The following IGF1R variants were observed in gnomAD, a reference collection of about 807,000 sequenced individuals.
IGF1R encodes insulin like growth factor 1 receptor, also known as insulin-like growth factor 1 receptor.
IGF1R carries 44 observed loss-of-function variants against 144.6 expected under a neutral mutation model. The ratio of observed to expected loss-of-function variants is 0.30; its 90% CI spans 0.24 to 0.39. IGF1R has a LOEUF of 0.39. Ranked by LOEUF, IGF1R falls within the 10% of genes least tolerant of loss-of-function variation. The pLI is 1.00. For synonymous variants in IGF1R, 795 were observed against 722.8 expected (o/e 1.10, Z -1.60); for missense variants, 1,355 against 1,833.7 (o/e 0.74, Z 4.77).
intron 2 of IGF1R, among the ~76,000 whole-genome samples, chr15:98,807,523 C>A (rs2056496087): frequency 6.6e-6 from 1 of 152,170 alleles, no homozygotes; most frequent in African/African-American, 2.4e-5. Flanking sequence ...TGAATGCATT[C>A]TCTGAGATAG....
At chr15:98,952,225 G>A (rs561704919) in intron 20 of IGF1R, among the ~76,000 whole-genome samples, 116 of 151,980 alleles carry the variant, frequency 7.6e-4, no homozygotes, top group African/African-American at 2.5e-3. Context: ...AGTCAATCAC[G>A]TGGGGATGTG....
At chr15:98,897,629 T>G (rs1199609656) in intron 4 of IGF1R, 1 of 152,478 alleles carries the variant, frequency 6.6e-6, no homozygotes, top group Non-Finnish European at 1.5e-5. Flanking sequence ...CAGGCTGGAG[T>G]GCAATGGCAT....
intron 1 of IGF1R, among the ~76,000 whole-genome samples, chr15:98,651,902 T>C (rs1763264698): frequency 6.6e-6 from 1 of 152,206 alleles, no homozygotes; most frequent in Non-Finnish European, 1.5e-5. Flanking sequence ...AATTAAAAGC[T>C]ATGCCTGTGA....
chr15:98,746,150 T>C (rs973414186), intron 2 of IGF1R, among the ~76,000 whole-genome samples: 9 of 152,162 alleles, frequency 5.9e-5, no homozygotes, highest in African/African-American at 2.2e-4. Flanking sequence ...TAAATAAGAC[T>C]GCATGTTTGC....
At chr15:98,865,072 G>C (rs950559203) in intron 2 of IGF1R, among the ~76,000 whole-genome samples, 10 of 152,198 alleles carry the variant, frequency 6.6e-5, no homozygotes, top group African/African-American at 2.4e-4. Context: ...CTAGGTATCA[G>C]ATCACACATG....
chr15:98,861,071 A>G (rs971192798), intron 2 of IGF1R, among the ~76,000 whole-genome samples: 1 of 148,340 alleles, frequency 6.7e-6, no homozygotes, highest in Non-Finnish European at 1.5e-5. Context: ...TTCTCTGAAC[A>G]TCTCTCCGTC....
chr15:98,679,308 C>T (rs1000471087), intron 1 of IGF1R, among the ~76,000 whole-genome samples: 1 of 152,038 alleles, frequency 6.6e-6, no homozygotes, highest in Non-Finnish European at 1.5e-5. Flanking sequence ...GGTGTTATGC[C>T]CTCTGTATCT....
chr15:98,804,840 G>A (rs1007462387), intron 2 of IGF1R, among the ~76,000 whole-genome samples: 7 of 152,122 alleles, frequency 4.6e-5, no homozygotes, highest in African/African-American at 7.2e-5. Flanking sequence ...AACTGCAGGC[G>A]TGCACCACCA....
chr15:98,844,396 T>C (rs1473323153), intron 2 of IGF1R, among the ~76,000 whole-genome samples: 1 of 152,198 alleles, frequency 6.6e-6, no homozygotes, highest in Non-Finnish European at 1.5e-5. Context: ...CATCTTTCTA[T>C]ACCCTGAAGA....
At chr15:98,779,204 C>G (rs2055794150) in intron 2 of IGF1R, among the ~76,000 whole-genome samples, 1 of 152,100 alleles carries the variant, frequency 6.6e-6, no homozygotes, top group Admixed American at 6.6e-5. Context: ...TCTGGAAATT[C>G]CCAAGAGAAT....
In IGF1R at chr15:98,823,732, C is replaced by G. The variant is rs564133393; in HGVS notation, c.641-67593C>G. 3.3e-5 allele frequency among the ~76,000 whole-genome samples: 5 copies of G among 152,264 alleles called. No homozygotes were observed. The South Asian group carries it at 8.3e-4, about 25-fold the overall frequency. ...TCACAGTGCTTAGTAACCATAACTT[C>G]TTGGTTTCATGATCATAGGGGTTTT... On this transcript the variant is annotated intron_variant, in intron 2 of 20. Coordinates refer to ENST00000650285, the MANE Select transcript of IGF1R (RefSeq NM_000875.5).
intron 12 of IGF1R, 136 bp downstream of exon 12, chr15:98,924,148 G>T (rs1421673063): frequency 3.3e-6 from 3 of 914,360 alleles, no homozygotes; most frequent in Admixed American, 3.6e-5. Context: ...GTGAGGATTT[G>T]GGTCTTTCTA....
chr15:98,651,377 T>C (rs1270186127), intron 1 of IGF1R, among the ~76,000 whole-genome samples: 2 of 152,250 alleles, frequency 1.3e-5, no homozygotes, highest in Non-Finnish European at 1.5e-5. Context: ...TTCTAAACTT[T>C]CAGCGGACTC....
chr15:98,685,100 G>A (rs2053293225), intron 1 of IGF1R, among the ~76,000 whole-genome samples: 1 of 151,912 alleles, frequency 6.6e-6, no homozygotes, highest in East Asian at 1.9e-4. Context: ...GTGCCATCAC[G>A]CCTGGCTAAT....
At position 98,655,941 on chromosome 15, in the gene IGF1R, C is replaced by A. The variant is rs536142833; in HGVS notation, c.94+6266C>A. Among the ~76,000 whole-genome samples the A allele has an allele frequency of 3.9e-5, 6 of 152,312 alleles. No individual in the cohort carries two copies. The South Asian group carries it at 1.2e-3, about 32-fold the overall frequency. On this transcript the variant is annotated intron_variant, in intron 1 of 20. Coordinates refer to ENST00000650285, the MANE Select transcript of IGF1R (RefSeq NM_000875.5). ...AGGTTGGACTCAAGCGATCCACTCA[C>A]CTCGGCCTCCCGGAGGGCTGGGATC...
intron 2 of IGF1R, among the ~76,000 whole-genome samples, chr15:98,886,783 A>G (rs902092479): frequency 2.6e-5 from 4 of 152,116 alleles, no homozygotes; most frequent in African/African-American, 9.7e-5. Context: ...ATACATTGAG[A>G]TGAGACAAAA....
chr15:98,657,239 TAGG>T (rs964693501), intron 1 of IGF1R, among the ~76,000 whole-genome samples: 1 of 152,264 alleles, frequency 6.6e-6, no homozygotes, highest in African/African-American at 2.4e-5. Context: ...AATTTATTTG[TAGG>T]AGTTTTCCCC....
At chr15:98,938,228 A>G (rs1455158420) in intron 17 of IGF1R, among the ~76,000 whole-genome samples, 2 of 152,212 alleles carry the variant, frequency 1.3e-5, no homozygotes, top group African/African-American at 4.8e-5. Context: ...CCATGTGGAA[A>G]AGCCTGGGCA....
intron 2 of IGF1R, among the ~76,000 whole-genome samples, chr15:98,709,022 C>T (rs187358793): frequency 1.3e-5 from 2 of 152,270 alleles, no homozygotes; most frequent in Admixed American, 6.5e-5. Context: ...TGACTCTGAG[C>T]CTTCACCTTA....
Sources: allele counts gnomAD v4.1 joint callset (sites outside exome capture counted in the v4.1 genomes callset), GRCh38; gene constraint gnomAD v4.1.1; transcripts MANE v1.5; gene names NCBI Gene and HGNC (gene_info 2026-07-23, HGNC 2026-07-21).